Variants in ABTB3 observed in about 807,000 individuals in gnomAD.
ABTB3 encodes the protein ankyrin repeat and BTB domain containing 3, also known as ankyrin repeat- and BTB/POZ domain-containing protein 3.
the ABTB3 span, among the ~76,000 whole-genome samples, chr12:107,497,595 C>A: frequency 6.6e-6 from 1 of 152,184 alleles, no homozygotes; most frequent in Admixed American, 6.6e-5. Context: ...CCATTATCAT[C>A]ATCATCTATA....
At chr12:107,329,515 C>T in the ABTB3 span, among the ~76,000 whole-genome samples, 1 of 152,192 alleles carries the variant, frequency 6.6e-6, no homozygotes, top group African/African-American at 2.4e-5. Context: ...TAAGCAGTGC[C>T]AGCCTCCTTG....
the ABTB3 span, among the ~76,000 whole-genome samples, chr12:107,369,694 C>G: frequency 6.8e-6 from 1 of 146,898 alleles, no homozygotes; most frequent in Non-Finnish European, 1.5e-5. Context: ...CCACCATACC[C>G]AGCCCAAACA....
the ABTB3 span, among the ~76,000 whole-genome samples, chr12:107,521,267 GTGTGTGTGTGT>G: frequency 4.1e-5 from 3 of 73,124 alleles, no homozygotes; most frequent in African/African-American, 2.5e-4. Context: ...TATAAGTTGT[GTGTGTGTGTGT>G]GTGTGTGTGT....
chr12:107,334,403 G>A, the ABTB3 span, among the ~76,000 whole-genome samples: 1 of 152,152 alleles, frequency 6.6e-6, no homozygotes. Flanking sequence ...GGTGTGGGGT[G>A]TGAGGGAATG....
the ABTB3 span, among the ~76,000 whole-genome samples, chr12:107,550,368 G>A: frequency 1.3e-5 from 2 of 151,938 alleles, no homozygotes; most frequent in African/African-American, 4.8e-5. Context: ...TACCCCACAT[G>A]TCACAGGACC....
At chr12:107,560,805 G>A in the ABTB3 span, among the ~76,000 whole-genome samples, 1 of 152,176 alleles carries the variant, frequency 6.6e-6, no homozygotes, top group Non-Finnish European at 1.5e-5. Context: ...TTCATTGCAC[G>A]TGCACTTGGC....
chr12:107,575,892 C>A, the ABTB3 span, among the ~76,000 whole-genome samples: 481 of 152,282 alleles, frequency 3.2e-3, 1 homozygote, highest in African/African-American at 0.011. Flanking sequence ...CTTCAGCCAA[C>A]CATACCCTCT....
chr12:107,507,956 GTACC>G, the ABTB3 span, among the ~76,000 whole-genome samples: 1 of 152,196 alleles, frequency 6.6e-6, no homozygotes, highest in Non-Finnish European at 1.5e-5. Flanking sequence ...CATGAACATT[GTACC>G]TATTCCACTA....
At chr12:107,615,019 T>A in the ABTB3 span, 4 of 1,545,730 alleles carry the variant, frequency 2.6e-6, no homozygotes, top group Admixed American at 6.7e-5. Context: ...GCCTAAGTAT[T>A]GTGAAGGTCA....
At chr12:107,617,570 G>C in the ABTB3 span, 1 of 1,246,654 alleles carries the variant, frequency 8.0e-7, no homozygotes, top group Non-Finnish European at 1.1e-6. Context: ...CAGGCCCCAG[G>C]TCTGGCCAGA....
At chr12:107,444,364 G>T in the ABTB3 span, among the ~76,000 whole-genome samples, 2 of 152,220 alleles carry the variant, frequency 1.3e-5, no homozygotes, top group Non-Finnish European at 2.9e-5. Flanking sequence ...CCACTGTATG[G>T]CAGGCCTGGC....
chr12:107,541,462 G>C, the ABTB3 span, among the ~76,000 whole-genome samples: 2 of 152,244 alleles, frequency 1.3e-5, no homozygotes, highest in East Asian at 1.9e-4. Context: ...TAGCGAGATA[G>C]ACTGAGAAAG....
At chr12:107,350,373 A>G in the ABTB3 span, among the ~76,000 whole-genome samples, 2 of 151,776 alleles carry the variant, frequency 1.3e-5, no homozygotes, top group Admixed American at 6.6e-5. Context: ...ACACGGTGAA[A>G]CCCCGTCTCT....
the ABTB3 span, among the ~76,000 whole-genome samples, chr12:107,447,154 T>G: frequency 6.6e-6 from 1 of 152,154 alleles, no homozygotes; most frequent in Admixed American, 6.5e-5. Context: ...TTTTTTTCTT[T>G]TTTTGAGATG....
At chr12:107,347,348 A>G in the ABTB3 span, among the ~76,000 whole-genome samples, 2 of 152,204 alleles carry the variant, frequency 1.3e-5, no homozygotes, top group African/African-American at 4.8e-5. Flanking sequence ...CCTACCTTTG[A>G]GAATCTTTCA....
the ABTB3 span, among the ~76,000 whole-genome samples, chr12:107,505,283 T>C: frequency 1.3e-5 from 2 of 152,064 alleles, no homozygotes; most frequent in Non-Finnish European, 2.9e-5. Context: ...TCGAAATATC[T>C]TTCAGAAAGG....
the ABTB3 span, among the ~76,000 whole-genome samples, chr12:107,519,451 T>G: frequency 1.3e-5 from 2 of 151,836 alleles, no homozygotes; most frequent in African/African-American, 2.4e-5. Context: ...GCCTCCCCAG[T>G]AGCTGGGACT....
At chr12:107,627,705 T>C in the ABTB3 span, among the ~76,000 whole-genome samples, 2 of 152,152 alleles carry the variant, frequency 1.3e-5, no homozygotes, top group Non-Finnish European at 1.5e-5. Context: ...GCCCCTAGCA[T>C]CTGCATTGGG....
the ABTB3 span, among the ~76,000 whole-genome samples, chr12:107,622,318 G>T: frequency 2.0e-5 from 3 of 152,100 alleles, no homozygotes; most frequent in Admixed American, 2.0e-4. Context: ...GGATATTCTT[G>T]TGGTCAAAAG....
Sources: allele counts gnomAD v4.1 joint callset (sites outside exome capture counted in the v4.1 genomes callset), GRCh38; gene constraint gnomAD v4.1.1; transcripts MANE v1.5; gene names NCBI Gene and HGNC (gene_info 2026-07-23, HGNC 2026-07-21).